GRM8: variants seen among roughly 807,000 people sequenced by gnomAD.
GRM8 encodes metabotropic glutamate receptor 8.
In GRM8, 47 loss-of-function variants were observed where a neutral mutation model predicts 87.2. The ratio of observed to expected loss-of-function variants is 0.54; its 90% CI spans 0.43 to 0.69. The LOEUF (loss-of-function observed/expected upper bound fraction) is 0.69, where lower values mean the gene tolerates loss of function less well. GRM8 is among the 30% of genes least tolerant of loss of function. The probability of loss-of-function intolerance (pLI) is 0.00; values close to 1 mark genes in which losing one functional copy is unlikely to be tolerated. For missense variants in GRM8, 1,019 were observed against 1,139.2 expected, an observed-to-expected ratio of 0.89 and a Z score of 1.52; for synonymous variants, 396 against 404.5, an observed-to-expected ratio of 0.98 and a Z score of 0.25.
At chr7:127,087,721 TA>T in intron 3 of GRM8, among the ~76,000 whole-genome samples, 1 of 152,212 alleles carries the variant, frequency 6.6e-6, no homozygotes, top group Non-Finnish European at 1.5e-5. Flanking sequence ...AGCATGCTCT[TA>T]AAAATTAGTT....
chr7:126,955,751 G>T (rs755437655), intron 3 of GRM8, among the ~76,000 whole-genome samples: 8 of 152,028 alleles, frequency 5.3e-5, no homozygotes, highest in Non-Finnish European at 7.4e-5. Context: ...ACATTTTAAT[G>T]ATTTTTTTCT....
chr7:126,998,747 A>G (rs1415838433), intron 3 of GRM8, among the ~76,000 whole-genome samples: 1 of 151,746 alleles, frequency 6.6e-6, no homozygotes, highest in African/African-American at 2.4e-5. Flanking sequence ...AAACACTGAT[A>G]AAAGACATTG....
intron 9 of GRM8, among the ~76,000 whole-genome samples, chr7:126,469,284 T>G (rs528941970): frequency 6.6e-6 from 1 of 152,290 alleles, no homozygotes; most frequent in South Asian, 2.1e-4. Context: ...AGTGAAACTA[T>G]TATCTGTATT....
At chr7:127,144,062 T>C (rs1282915294) in intron 2 of GRM8, among the ~76,000 whole-genome samples, 1 of 152,108 alleles carries the variant, frequency 6.6e-6, no homozygotes, top group Admixed American at 6.6e-5. Flanking sequence ...GAGAAGTCTG[T>C]GCCTCATTTC....
intron 7 of GRM8, among the ~76,000 whole-genome samples, chr7:126,646,555 T>C (rs1326527495): frequency 2.0e-5 from 3 of 152,158 alleles, no homozygotes; most frequent in Non-Finnish European, 4.4e-5. Flanking sequence ...CAGGAGAGGC[T>C]TATCAGTTCT....
At chr7:126,617,061 G>C (rs1208704255) in intron 7 of GRM8, among the ~76,000 whole-genome samples, 2 of 152,206 alleles carry the variant, frequency 1.3e-5, no homozygotes, top group Non-Finnish European at 1.5e-5. Flanking sequence ...AAGCCTGGCA[G>C]AGACACAACC....
chr7:126,512,053 G>C (rs1180094935), intron 9 of GRM8: 1 of 151,966 alleles, frequency 6.6e-6, no homozygotes. Context: ...GTTAAGAAAG[G>C]CATTTTCTGC....
intron 8 of GRM8, among the ~76,000 whole-genome samples, chr7:126,583,765 G>A (rs989973479): frequency 6.6e-6 from 1 of 151,850 alleles, no homozygotes; most frequent in African/African-American, 2.4e-5. Context: ...CAAAAAAAGT[G>A]GTTTCTTGAG....
intron 3 of GRM8, among the ~76,000 whole-genome samples, chr7:126,964,020 C>T (rs1471775356): frequency 2.6e-5 from 4 of 152,126 alleles, no homozygotes; most frequent in Admixed American, 2.0e-4. Flanking sequence ...CAAACATCTA[C>T]GACCATCAGG....
chr7:126,932,744 A>G (rs1255865609), intron 3 of GRM8, among the ~76,000 whole-genome samples: 1 of 152,192 alleles, frequency 6.6e-6, no homozygotes, highest in Non-Finnish European at 1.5e-5. Context: ...GTGAAAAAAG[A>G]ATAATAGTCC....
At chr7:126,990,858 GT>G (rs1266591522) in intron 3 of GRM8, among the ~76,000 whole-genome samples, 2 of 152,084 alleles carry the variant, frequency 1.3e-5, no homozygotes, top group Non-Finnish European at 2.9e-5. Flanking sequence ...CAATAGAAAT[GT>G]TTTAAAAATA....
At chr7:126,892,534 C>T (rs1431940930) in intron 6 of GRM8, among the ~76,000 whole-genome samples, 2 of 152,056 alleles carry the variant, frequency 1.3e-5, no homozygotes, top group Non-Finnish European at 2.9e-5. Flanking sequence ...TCCAGTCTAT[C>T]ATTGTTGGAC....
chr7:126,825,195 T>C (rs932991702), intron 6 of GRM8, among the ~76,000 whole-genome samples: 3 of 151,976 alleles, frequency 2.0e-5, no homozygotes, highest in African/African-American at 7.3e-5. Context: ...GCCTCCTGAG[T>C]AGCTGGGACT....
At chr7:126,676,687 C>A (rs1182284223) in intron 7 of GRM8, among the ~76,000 whole-genome samples, 3 of 152,032 alleles carry the variant, frequency 2.0e-5, no homozygotes, top group African/African-American at 7.2e-5. Context: ...AAGAATGAAA[C>A]TGGAGCTCTA....
chr7:126,696,594 G>C (rs1035062888), intron 7 of GRM8, among the ~76,000 whole-genome samples: 1 of 149,620 alleles, frequency 6.7e-6, no homozygotes, highest in Non-Finnish European at 1.5e-5. Context: ...AAGGTTTAAA[G>C]GTTGTGTTTT....
intron 6 of GRM8, among the ~76,000 whole-genome samples, chr7:126,886,487 G>T (rs1800512477): frequency 6.6e-6 from 1 of 152,106 alleles, no homozygotes; most frequent in Non-Finnish European, 1.5e-5. Flanking sequence ...GGCTGCAGTA[G>T]TGGGATTCCC....
At chr7:127,098,591 A>G (rs1824905728) in intron 3 of GRM8, among the ~76,000 whole-genome samples, 1 of 152,160 alleles carries the variant, frequency 6.6e-6, no homozygotes. Context: ...AAAAAAAACT[A>G]TCAAACTTTT....
At chr7:126,493,597 T>A (rs1344620173) in intron 9 of GRM8, among the ~76,000 whole-genome samples, 1 of 151,986 alleles carries the variant, frequency 6.6e-6, no homozygotes, top group African/African-American at 2.4e-5. Flanking sequence ...ATAGCACAGG[T>A]CTACAGCTGC....
intron 8 of GRM8, among the ~76,000 whole-genome samples, chr7:126,535,957 G>T (rs1199947804): frequency 6.6e-6 from 1 of 152,172 alleles, no homozygotes; most frequent in Non-Finnish European, 1.5e-5. Context: ...GAGAGACCCT[G>T]AGCCAGGAAA....
Sources: allele counts gnomAD v4.1 joint callset (sites outside exome capture counted in the v4.1 genomes callset), GRCh38; gene constraint gnomAD v4.1.1; transcripts MANE v1.5; gene names NCBI Gene and HGNC (gene_info 2026-07-23, HGNC 2026-07-21).